The following CEP85L variants were observed in gnomAD, a reference collection of about 807,000 sequenced individuals.
CEP85L encodes the protein centrosomal protein 85L, also known as centrosomal protein of 85 kDa-like.
A neutral mutation model predicts 100.3 loss-of-function variants in CEP85L; 60 were observed. The ratio of observed to expected loss-of-function variants is 0.60; its 90% CI spans 0.49 to 0.74. The LOEUF (loss-of-function observed/expected upper bound fraction) is 0.74, where lower values mean the gene tolerates loss of function less well. CEP85L is among the 30% of genes least tolerant of loss of function. The pLI, the probability that CEP85L is intolerant of heterozygous loss-of-function variation, is 0.00. For missense variants in CEP85L, 973 were observed against 936.2 expected, an observed-to-expected ratio of 1.04 and a Z score of -0.51; for synonymous variants, 319 against 322.7, an observed-to-expected ratio of 0.99 and a Z score of 0.12.
chr6:118,547,665 T>A (rs535092427), intron 3 of CEP85L, among the ~76,000 whole-genome samples: 1 of 152,244 alleles, frequency 6.6e-6, no homozygotes, highest in South Asian at 2.1e-4. Flanking sequence ...AAATATATTG[T>A]TAAACTGCTA....
intron 1 of CEP85L, among the ~76,000 whole-genome samples, chr6:118,689,935 A>G (rs915778455): frequency 9.7e-6 from 1 of 103,112 alleles, no homozygotes; most frequent in African/African-American, 2.9e-5. Flanking sequence ...TTTTTTTTTA[A>G]TAGGGCTAGG....
intron 2 of CEP85L, among the ~76,000 whole-genome samples, chr6:118,600,499 T>G (rs2040766220): frequency 6.6e-6 from 1 of 151,754 alleles, no homozygotes; most frequent in Admixed American, 6.6e-5. Context: ...TTTTTGTATT[T>G]TCAGTAGAGA....
chr6:118,608,262 G>A (rs146480704), intron 2 of CEP85L, among the ~76,000 whole-genome samples: 3,274 of 152,244 alleles, frequency 0.022, 64 homozygotes, highest in African/African-American at 0.056. Flanking sequence ...TTAGGAGGCC[G>A]AGGCAGGCGG....
chr6:118,690,787 C>T (rs1583263542), intron 1 of CEP85L, among the ~76,000 whole-genome samples: 1 of 152,078 alleles, frequency 6.6e-6, no homozygotes, highest in East Asian at 1.9e-4. Context: ...TCGCTTGAGC[C>T]CAGGAGTTGG....
intron 2 of CEP85L, among the ~76,000 whole-genome samples, chr6:118,621,714 C>T (rs1344231985): frequency 2.6e-5 from 4 of 152,178 alleles, no homozygotes; most frequent in Admixed American, 2.0e-4. Flanking sequence ...TAAACCTAGC[C>T]GAAAGAACTA....
At chr6:118,612,860 G>C (rs1480594227) in intron 2 of CEP85L, among the ~76,000 whole-genome samples, 1 of 152,140 alleles carries the variant, frequency 6.6e-6, no homozygotes, top group East Asian at 1.9e-4. Context: ...TCTTTGTAGA[G>C]ATCAGTAAAA....
At chr6:118,478,373 C>A (rs1346588347) in intron 10 of CEP85L, among the ~76,000 whole-genome samples, 2 of 152,038 alleles carry the variant, frequency 1.3e-5, no homozygotes, top group Admixed American at 1.3e-4. Flanking sequence ...GAGTCATATT[C>A]ATCTCCAGCT....
In CEP85L at chr6:118,560,213, T is replaced by G. The variant is rs879001246; in HGVS notation, c.1020+5316A>C. The G allele has an allele frequency of 4.8e-5, 8 of 167,128 alleles. No individual in the cohort carries two copies. In the South Asian group the frequency reaches 1.7e-3, roughly 35 times the overall value. The allele number at this position is 167,128 out of a possible 1,614,324, so 10.4% of individuals were successfully genotyped here. A position where few individuals can be genotyped will look rare whatever the true frequency, so the allele number is the denominator to read the frequency against. On this transcript the variant is annotated intron_variant, in intron 3 of 12. Transcript: ENST00000368491. The stretch of plus-strand genomic sequence containing the variant: ...ACATGGGGGTTAGGGGAGCTGACAA[T>G]TCGTGGGTCCGCAAAATCTTAACTA...
intron 2 of CEP85L, among the ~76,000 whole-genome samples, chr6:118,611,787 A>AT (rs1227307086): frequency 9.2e-5 from 14 of 152,350 alleles, no homozygotes; most frequent in African/African-American, 2.2e-4. Context: ...AAAAGGGCCG[A>AT]CAGACCAAGA....
At chr6:118,676,371 G>A (rs534316493) in intron 1 of CEP85L, among the ~76,000 whole-genome samples, 17 of 152,144 alleles carry the variant, frequency 1.1e-4, no homozygotes, top group African/African-American at 2.6e-4. Flanking sequence ...GGTAAGCACC[G>A]TTCCACTTTC....
chr6:118,648,819 CAAAT>C (rs1296514406), intron 1 of CEP85L, among the ~76,000 whole-genome samples: 3 of 149,088 alleles, frequency 2.0e-5, no homozygotes, highest in Admixed American at 2.0e-4. Flanking sequence ...TTTGTATAAA[CAAAT>C]AAACCAGTTT....
chr6:118,624,322 T>C (rs2115289598), intron 2 of CEP85L, among the ~76,000 whole-genome samples: 1 of 152,278 alleles, frequency 6.6e-6, no homozygotes, highest in Non-Finnish European at 1.5e-5. Flanking sequence ...TTATATACTG[T>C]AGCTCCTGCC....
intron 1 of CEP85L, among the ~76,000 whole-genome samples, chr6:118,635,245 T>C (rs947719244): frequency 2.0e-5 from 3 of 152,202 alleles, no homozygotes; most frequent in East Asian, 1.9e-4. Context: ...GTTAATTAGT[T>C]GATAATGTTT....
chr6:118,617,552 T>C (rs2115260854), intron 2 of CEP85L, among the ~76,000 whole-genome samples: 1 of 152,310 alleles, frequency 6.6e-6, no homozygotes, highest in South Asian at 2.1e-4. Flanking sequence ...TGTTTCTCGC[T>C]CCTGTACTGG....
intron 6 of CEP85L, among the ~76,000 whole-genome samples, chr6:118,490,351 G>A (rs932841379): frequency 2.6e-5 from 4 of 152,138 alleles, no homozygotes; most frequent in South Asian, 4.1e-4. Context: ...TTTCTACAAC[G>A]AAAAGAGAAA....
intron 3 of CEP85L, among the ~76,000 whole-genome samples, chr6:118,564,337 A>G (rs1189577618): frequency 1.3e-5 from 2 of 152,234 alleles, no homozygotes; most frequent in Non-Finnish European, 2.9e-5. Flanking sequence ...AACTGCCTGG[A>G]TCTCTGTTTT....
chr6:118,460,907 T>A lies in CEP85L; in HGVS notation c.*4498A>T, dbSNP rs1412682603. The A allele has an allele frequency of 2.6e-5, 4 of 152,110 alleles. No individual in the cohort carries two copies. Among genetic ancestry groups the A allele is most frequent in the Admixed American group, 1.3e-4 (2 of 15,272 alleles). The allele number at this position is 152,110 out of a possible 1,614,324, so 9.4% of individuals were successfully genotyped here. A position where few individuals can be genotyped will look rare whatever the true frequency, so the allele number is the denominator to read the frequency against. On this transcript the variant is annotated 3_prime_UTR_variant, in exon 13 of 13. Coordinates refer to ENST00000368491, the MANE Select transcript of CEP85L (RefSeq NM_001042475.3). The stretch of plus-strand genomic sequence containing the variant: ...ATAAATAGAACTTTGGCATTCAAAA[T>A]TCTAGCTGTAAACCCTATTAAAAAA...
intron 2 of CEP85L, among the ~76,000 whole-genome samples, chr6:118,587,060 T>C (rs1167993191): frequency 6.6e-6 from 1 of 152,226 alleles, no homozygotes; most frequent in Non-Finnish European, 1.5e-5. Flanking sequence ...GCTCCTACAA[T>C]ATCTGCCATG....
rs59463737 is a variant in CEP85L, at chr6:118,599,602, G to T, written c.232+32851C>A. Reference sequence around the variant, plus strand: ...CTCAGTGACTTGCTTCCAAAAAATAGAGTATGATTTTAAAAAATAATAGAA... The same window carrying T: ...CTCAGTGACTTGCTTCCAAAAAATATAGTATGATTTTAAAAAATAATAGAA... On this transcript the variant is annotated intron_variant, in intron 2 of 12. Transcript: ENST00000368491. Among the ~76,000 whole-genome samples, 551 of 152,216 alleles carry T rather than the reference G, an allele frequency of 3.6e-3. 26 individuals carry two copies. The East Asian group carries it at 0.092, about 26-fold the overall frequency.
Sources: allele counts gnomAD v4.1 joint callset (sites outside exome capture counted in the v4.1 genomes callset), GRCh38; gene constraint gnomAD v4.1.1; transcripts MANE v1.5; gene names NCBI Gene and HGNC (gene_info 2026-07-23, HGNC 2026-07-21).